Variants in WDR4 observed in about 807,000 individuals in gnomAD.
WDR4 encodes the protein WDR4 tRNA N7-guanosine methyltransferase non-catalytic subunit.
A neutral mutation model predicts 48.6 loss-of-function variants in WDR4; 47 were observed. The ratio of observed to expected loss-of-function variants is 0.97; its 90% CI spans 0.77 to 1.23. WDR4 has a LOEUF of 1.23. Ranked by LOEUF, WDR4 falls within the 50% of genes most tolerant of loss-of-function variation. The pLI, the probability that WDR4 is intolerant of heterozygous loss-of-function variation, is 0.00. For missense variants in WDR4, 606 were observed against 551.6 expected (o/e 1.10, Z -0.99); for synonymous variants, 268 against 230.0 (o/e 1.17, Z -1.49).
intron 3 of WDR4, among the ~76,000 whole-genome samples, chr21:42,871,791 C>T (rs188163920): frequency 6.6e-6 from 1 of 152,290 alleles, no homozygotes; most frequent in East Asian, 1.9e-4. Context: ...AAACCATGTG[C>T]ATCTATTACC....
chr21:42,865,602 G>A (rs946595383), intron 3 of WDR4, among the ~76,000 whole-genome samples: 4 of 152,168 alleles, frequency 2.6e-5, no homozygotes, highest in Non-Finnish European at 5.9e-5. Context: ...ATTCTAGGAC[G>A]CAGCTGAGCC....
Position 42,856,793 on chromosome 21 carries a change from G to GCA in WDR4, c.628-1015_628-1014dup, listed in dbSNP as rs564504505. Among the ~76,000 whole-genome samples the GCA allele has an allele frequency of 1.5e-4, 23 of 151,684 alleles. 1 individual carries two copies. In the South Asian group the frequency reaches 2.1e-3, roughly 14 times the overall value. The stretch of plus-strand genomic sequence containing the variant: ...CACACACACGCATGCACATACACAC[G>GCA]CACACACACACACCTTTCTACAAAT... On this transcript the variant is annotated intron_variant, in intron 6 of 10. Coordinates refer to ENST00000398208, the MANE Select transcript of WDR4 (RefSeq NM_018669.6).
Position 42,863,664 on chromosome 21 carries a change from G to A in WDR4, c.297-68C>T, listed in dbSNP as rs184451445. On this transcript the variant is annotated intron_variant, in intron 3 of 10. Transcript: ENST00000398208. ...CGCAGGGTCCTCGACAGCCTGGCAG[G>A]CCACGTGGGCGGTGGCAGGCACCGG... The A allele has an allele frequency of 3.9e-5, 60 of 1,521,248 alleles. No homozygotes were observed. The Middle Eastern group carries it at 8.9e-4, about 23-fold the overall frequency. 94.2% of individuals were successfully genotyped at this position (1,521,248 alleles called of 1,614,324 possible). A position where few individuals can be genotyped will look rare whatever the true frequency, so the allele number is the denominator to read the frequency against.
chr21:42,854,513 C>A, intron 8 of WDR4, 49 bp downstream of exon 8: 1 of 1,583,732 alleles, frequency 6.3e-7, no homozygotes, highest in African/African-American at 1.3e-5. Context: ...AACTCTTCCC[C>A]CTGCAGGTCT....
At chr21:42,851,884 G>A (rs1397305984) in intron 10 of WDR4, among the ~76,000 whole-genome samples, 2 of 152,224 alleles carry the variant, frequency 1.3e-5, no homozygotes, top group Non-Finnish European at 2.9e-5. Flanking sequence ...GACGCCCACT[G>A]CAGTGGGATC....
intron 3 of WDR4, 70 bp downstream of exon 3, chr21:42,873,481 T>C: frequency 6.3e-7 from 1 of 1,588,998 alleles, no homozygotes; most frequent in South Asian, 1.1e-5. Context: ...TTATGGTCAC[T>C]ATTGCTACAG....
intron 3 of WDR4, among the ~76,000 whole-genome samples, chr21:42,867,534 T>C (rs2146072946): frequency 6.6e-6 from 1 of 152,276 alleles, no homozygotes; most frequent in African/African-American, 2.4e-5. Context: ...ACTTCAGATT[T>C]GTTCAGGTTT....
chr21:42,855,458 C>T (rs2057961804), intron 7 of WDR4, among the ~76,000 whole-genome samples: 1 of 152,204 alleles, frequency 6.6e-6, no homozygotes, highest in Non-Finnish European at 1.5e-5. Context: ...GGATTAGAGG[C>T]CTTCCTGTAC....
At position 42,849,679 on chromosome 21, in the gene WDR4, C is replaced by T. The variant is rs141603394; in HGVS notation, c.*370G>A. The T allele has an allele frequency of 3.1e-4, 57 of 181,376 alleles. No homozygotes were observed. The highest frequency in any genetic ancestry group is 2.4e-3 in the Middle Eastern group (1 of 412). The allele number at this position is 181,376 out of a possible 1,614,324, so 11.2% of individuals were successfully genotyped here. A position where few individuals can be genotyped will look rare whatever the true frequency, so the allele number is the denominator to read the frequency against. On this transcript the variant is annotated 3_prime_UTR_variant, in exon 11 of 11. Coordinates refer to ENST00000398208, the MANE Select transcript of WDR4 (RefSeq NM_018669.6). ...ATGAAAACATCCACCATGCCAGAAA[C>T]GTCAGCCCACAGATGCTCCTAGAGG...
chr21:42,879,270 A>G, intron 1 of WDR4, 137 bp downstream of exon 1: 1 of 1,375,222 alleles, frequency 7.3e-7, no homozygotes. Flanking sequence ...GCGGCGGAGG[A>G]CTCGTGGGCT....
At chr21:42,871,861 T>C (rs1219846661) in intron 3 of WDR4, among the ~76,000 whole-genome samples, 4 of 152,210 alleles carry the variant, frequency 2.6e-5, no homozygotes, top group African/African-American at 7.2e-5. Context: ...AAAACATATA[T>C]AGTAAAACCC....
Position 42,854,680 on chromosome 21 carries a change from G to C in WDR4, c.727-54C>G, listed in dbSNP as rs928403450. ...ACGCCACCTGCAGGGGCCCGACGCC[G>C]GGCGCTCTGATCCAACAAGAGCAAG... On this transcript the variant is annotated intron_variant, in intron 7 of 10. Coordinates refer to ENST00000398208, the MANE Select transcript of WDR4 (RefSeq NM_018669.6). 99 of 1,569,576 alleles carry C rather than the reference G, an allele frequency of 6.3e-5. No homozygotes were observed. The Admixed American group carries it at 1.7e-3, about 27-fold the overall frequency.
intron 6 of WDR4, 102 bp downstream of exon 6, chr21:42,859,560 A>AGGGGCCAGCGATCCACC: frequency 7.5e-7 from 1 of 1,337,982 alleles, no homozygotes; most frequent in Non-Finnish European, 1.0e-6. Context: ...ACAGCCAGCC[A>AGGGGCCAGCGATCCACC]GGGGCCAGCG....
downstream of WDR4, among the ~76,000 whole-genome samples, chr21:42,845,181 G>A (rs2057700227): frequency 6.6e-6 from 1 of 152,194 alleles, no homozygotes; most frequent in African/African-American, 2.4e-5. Flanking sequence ...CTAAAGAGAG[G>A]GAAGTCAGCA....
intron 3 of WDR4, among the ~76,000 whole-genome samples, chr21:42,869,375 C>T (rs993926637): frequency 6.6e-6 from 1 of 152,192 alleles, no homozygotes; most frequent in Admixed American, 6.5e-5. Context: ...AACTGGATCA[C>T]GTCTGAGATC....
chr21:42,878,883 G>T (rs1050753210), intron 1 of WDR4: 8 of 896,572 alleles, frequency 8.9e-6, no homozygotes, highest in Non-Finnish European at 1.1e-5. Context: ...AGCAATTAAG[G>T]CCAGGTGAGT....
At chr21:42,868,501 C>A (rs1046016756) in intron 3 of WDR4, among the ~76,000 whole-genome samples, 1 of 152,234 alleles carries the variant, frequency 6.6e-6, no homozygotes, top group Non-Finnish European at 1.5e-5. Context: ...CACGGCCAGA[C>A]CCAGCCTCCC....
chr21:42,852,133 G>A (rs759166029), intron 10 of WDR4, 122 bp downstream of exon 10: 58 of 1,035,990 alleles, frequency 5.6e-5, no homozygotes, highest in South Asian at 4.5e-4. Context: ...GGGGACACAC[G>A]CTTACTCTCC....
chr21:42,848,110 T>A (rs560907794), downstream of WDR4, among the ~76,000 whole-genome samples: 65 of 152,336 alleles, frequency 4.3e-4, 1 homozygote, highest in South Asian at 0.011. Flanking sequence ...ATTTGAAGCA[T>A]TCCAGCTTTT....
Sources: gnomAD v4.1 joint callset for allele counts (sites outside exome capture counted in the v4.1 genomes callset) on GRCh38, gnomAD v4.1.1 for gene constraint, MANE v1.5 for transcripts, NCBI Gene and HGNC (gene_info 2026-07-23, HGNC 2026-07-21) for gene names.